Variants in C17orf78 observed in about 807,000 individuals in gnomAD.
The protein encoded by C17orf78 is uncharacterized protein C17orf78.
A neutral mutation model predicts 31.8 loss-of-function variants in C17orf78; 27 were observed. That is an observed-to-expected ratio of 0.85 (90% CI 0.63 to 1.17). The LOEUF is 1.17. C17orf78 is among the 50% of genes most tolerant of loss of function. The probability of loss-of-function intolerance (pLI) is 0.00; values close to 1 mark genes in which losing one functional copy is unlikely to be tolerated. For missense variants in C17orf78, 258 were observed against 315.2 expected (o/e 0.82, Z 1.37); for synonymous variants, 106 against 115.1 (o/e 0.92, Z 0.51).
At chr17:37,388,163 A>T (rs1388882655) in intron 4 of C17orf78, among the ~76,000 whole-genome samples, 2 of 152,062 alleles carry the variant, frequency 1.3e-5, no homozygotes, top group Admixed American at 1.3e-4. Flanking sequence ...GAGAAAAAAA[A>T]TGCATATTAG....
At chr17:37,390,623 T>C (rs926645795) in intron 6 of C17orf78, among the ~76,000 whole-genome samples, 2 of 148,768 alleles carry the variant, frequency 1.3e-5, no homozygotes, top group African/African-American at 2.5e-5. Context: ...CAAGACTCCG[T>C]CTCAAAAAGA....
intron 6 of C17orf78, 53 bp from the exon 7 acceptor site, chr17:37,391,594 G>A: frequency 6.6e-7 from 1 of 1,522,450 alleles, no homozygotes; most frequent in Non-Finnish European, 9.1e-7. Flanking sequence ...GGTACATGAA[G>A]AACTATACAC....
chr17:37,390,304 TTATATATATATATA>T (rs1189193698), intron 6 of C17orf78, among the ~76,000 whole-genome samples: 1 of 17,988 alleles, frequency 5.6e-5, no homozygotes, highest in African/African-American at 3.8e-4. Flanking sequence ...TTATACATAA[TTATATATATATATA>T]TATATATATA....
chr17:37,392,027 C>T lies in C17orf78; in HGVS notation c.*303C>T, dbSNP rs912775807. ...GAATGGACCTTACTACTCTCTTTGACAGAAGACTCAAACACAGCCTCTAAG... is the reference window on the plus strand; with the variant it reads ...GAATGGACCTTACTACTCTCTTTGATAGAAGACTCAAACACAGCCTCTAAG... On this transcript the variant is annotated 3_prime_UTR_variant, in exon 7 of 7. Transcript: ENST00000615133. The T allele has an allele frequency of 1.8e-5, 6 of 325,160 alleles. No homozygotes were observed. In the South Asian group the frequency reaches 4.7e-4, roughly 25 times the overall value. 20.1% of individuals were successfully genotyped at this position (325,160 alleles called of 1,614,324 possible). A position where few individuals can be genotyped will look rare whatever the true frequency, so the allele number is the denominator to read the frequency against.
chr17:37,390,175 T>TACACACACAC (rs1158274937), intron 6 of C17orf78, among the ~76,000 whole-genome samples: 73 of 44,420 alleles, frequency 1.6e-3, no homozygotes, highest in African/African-American at 8.2e-3. Context: ...TATATATATA[T>TACACACACAC]ACACACACAC....
Position 37,391,213 on chromosome 17 carries a change from C to T in C17orf78, c.751-434C>T, listed in dbSNP as rs143061046. 2.0e-3 allele frequency among the ~76,000 whole-genome samples: 304 copies of T among 152,104 alleles called. 6 individuals are homozygous for T. The East Asian group carries it at 0.054, about 27-fold the overall frequency. On this transcript the variant is annotated intron_variant, in intron 6 of 6. Coordinates refer to ENST00000615133, the MANE Select transcript of C17orf78 (RefSeq NM_173625.5). ...AGATCACACCACTGCACTGCAGCCT[C>T]GGTGACAGAGCGAGACTCTGTCTCA...
In C17orf78 at chr17:37,379,178, C is replaced by T. The variant is rs373749911; in HGVS notation, c.187C>T (p.Arg63Trp). The T allele has an allele frequency of 1.3e-5, 21 of 1,613,824 alleles. No individual in the cohort carries two copies. In the Admixed American group the frequency reaches 1.3e-4, roughly 10 times the overall value. ...ETKRTTFIQN[R>W]TIATLQCLGS... is the part of the protein sequence containing the mutation. ...CAAAAGGACAACATTCATTCAAAAC[C>T]GGACTATAGCTACCCTGCAGTGCCT... The change falls in exon 3 of 7, where the codon CGG becomes TGG. Residue 63 changes from arginine (R) to tryptophan (W), a missense_variant. By Grantham distance (101) the Arg-to-Trp change is moderately radical. Coordinates refer to ENST00000615133, the MANE Select transcript of C17orf78 (RefSeq NM_173625.5).
chr17:37,383,866 A>C (rs1279846763), intron 3 of C17orf78, among the ~76,000 whole-genome samples: 1 of 152,168 alleles, frequency 6.6e-6, no homozygotes, highest in Non-Finnish European at 1.5e-5. Flanking sequence ...CAACCAATTT[A>C]TGTATGAACT....
At chr17:37,388,617 T>A in intron 4 of C17orf78, 53 bp from the exon 5 acceptor site, 2 of 1,569,404 alleles carry the variant, frequency 1.3e-6, no homozygotes, top group Non-Finnish European at 1.7e-6. Flanking sequence ...GATCAATCTC[T>A]TTCCTCTCTC....
rs1189193698 is a variant in C17orf78, at chr17:37,390,304, TTA to T, written c.750+971_750+972del. 6.3e-3 allele frequency among the ~76,000 whole-genome samples: 113 copies of T among 17,934 alleles called. 6 individuals carry two copies. The highest frequency in any genetic ancestry group is 8.0e-3 in the Non-Finnish European group (99 of 12,364). 11.8% of individuals were successfully genotyped at this position (17,934 alleles called of 152,430 possible). The stretch of plus-strand genomic sequence containing the variant: ...ATATATAATTATATATTATACATAA[TTA>T]TATATATATATATATATATATATAT... On this transcript the variant is annotated intron_variant, in intron 6 of 6. Transcript: ENST00000615133.
intron 2 of C17orf78, 29 bp downstream of exon 2, chr17:37,377,994 A>G: frequency 6.2e-7 from 1 of 1,601,620 alleles, no homozygotes; most frequent in Non-Finnish European, 8.6e-7. Flanking sequence ...CTGGAAAATG[A>G]TATTGCCATT....
At chr17:37,386,674 C>G (rs1017262098) in intron 4 of C17orf78, among the ~76,000 whole-genome samples, 2 of 152,112 alleles carry the variant, frequency 1.3e-5, no homozygotes, top group African/African-American at 2.4e-5. Flanking sequence ...TTTATCTCCA[C>G]GCAAATGAGC....
At chr17:37,390,289 A>T (rs1365895276) in intron 6 of C17orf78, among the ~76,000 whole-genome samples, 3 of 51,308 alleles carry the variant, frequency 5.8e-5, no homozygotes, top group African/African-American at 3.0e-4. Flanking sequence ...ATATATAATT[A>T]TATATTATAC....
chr17:37,381,573 C>T (rs558844869), intron 3 of C17orf78, among the ~76,000 whole-genome samples: 2 of 151,530 alleles, frequency 1.3e-5, no homozygotes, highest in East Asian at 1.9e-4. Flanking sequence ...TTTATATTTG[C>T]CTCATTCTTT....
At chr17:37,382,844 G>A (rs2050362606) in intron 3 of C17orf78, among the ~76,000 whole-genome samples, 2 of 152,028 alleles carry the variant, frequency 1.3e-5, no homozygotes, top group African/African-American at 4.8e-5. Flanking sequence ...TGGCGACAGA[G>A]CGAGACTCTG....
At position 37,379,336 on chromosome 17, in the gene C17orf78, A is replaced by G; in HGVS notation, c.345A>G (p.Leu115=). 1 of 1,613,936 alleles carries G rather than the reference A, an allele frequency of 6.2e-7. No homozygotes were observed. Among genetic ancestry groups the G allele is most frequent in the South Asian group, 1.1e-5 (1 of 91,086 alleles). The change falls in exon 3 of 7, where the codon CTA becomes CTG. Residue 115 remains leucine (L), a synonymous_variant. Transcript: ENST00000615133. ...RNSSASSSCH[L]IPTSKFQTGS... is the part of the protein sequence containing the mutation. ...GCTCTGCCTCCTCAAGCTGTCACCT[A>G]ATCCCCACATCCAAGTTTCAGACTG...
chr17:37,389,362 G>A lies in C17orf78; in HGVS notation c.750G>A (p.Lys250=). The A allele has an allele frequency of 6.3e-7, 1 of 1,576,300 alleles. No individual in the cohort carries two copies. The highest frequency in any genetic ancestry group is 8.6e-7 in the Non-Finnish European group (1 of 1,160,896). ...CCAAGCCTGACTCTCAGCCCCAGAAGGAAAGTGTTCTCTGTGTGGTTTATG... is the reference window on the plus strand; with the variant it reads ...CCAAGCCTGACTCTCAGCCCCAGAAAGAAAGTGTTCTCTGTGTGGTTTATG... ...AESKPDSQPQ[K]VGQDAANSSN... The change falls in exon 6 of 7, where the codon AAG becomes AAA. Residue 250 remains lysine, a splice_region_variant and synonymous_variant. Coordinates refer to ENST00000615133, the MANE Select transcript of C17orf78 (RefSeq NM_173625.5).
At chr17:37,389,517 C>A in intron 6 of C17orf78, 155 bp downstream of exon 6, 3 of 754,530 alleles carry the variant, frequency 4.0e-6, no homozygotes, top group Non-Finnish European at 4.8e-6. Context: ...CATGACGAAA[C>A]CCTGTCTCTA....
At chr17:37,389,212 C>T in intron 5 of C17orf78, 34 bp from the exon 6 acceptor site, 1 of 1,551,968 alleles carries the variant, frequency 6.4e-7, no homozygotes, top group East Asian at 2.4e-5. Flanking sequence ...TTACCAGCCA[C>T]TTCATATTAA....
Sources: gnomAD v4.1 joint callset for allele counts (sites outside exome capture counted in the v4.1 genomes callset) on GRCh38, gnomAD v4.1.1 for gene constraint, MANE v1.5 for transcripts, NCBI Gene and HGNC (gene_info 2026-07-23, HGNC 2026-07-21) for gene names.